The following IPO5 variants were observed in gnomAD, a reference collection of about 807,000 sequenced individuals.
The protein encoded by IPO5 is importin-5.
IPO5 carries 18 observed loss-of-function variants against 143.3 expected under a neutral mutation model. The ratio of observed to expected loss-of-function variants is 0.13; its 90% CI spans 0.09 to 0.19. The LOEUF is 0.19. Among genes scored for constraint, IPO5 ranks in the 10% least tolerant of loss-of-function variants. The pLI is 1.00. For missense variants in IPO5, 1,013 were observed against 1,336.9 expected (o/e 0.76, Z 3.78); for synonymous variants, 477 against 465.7 (o/e 1.02, Z -0.31).
At position 98,023,183 on chromosome 13, in the gene IPO5, T is replaced by C. The variant is rs1475612476; in HGVS notation, c.*1361T>C. On this transcript the variant is annotated 3_prime_UTR_variant, in exon 29 of 29. Coordinates refer to ENST00000651721, the MANE Select transcript of IPO5 (RefSeq NM_002271.6). ...TAGCAGATGCCCTTCAAATATATTT[T>C]ACGTTTGCAGCACAACACCATTGCC... is the stretch of plus-strand genomic sequence containing the variant. 5 of 152,602 alleles carry C rather than the reference T, an allele frequency of 3.3e-5. No homozygotes were observed. The highest frequency in any genetic ancestry group is 7.3e-5 in the Non-Finnish European group (5 of 68,052). The allele number at this position is 152,602 out of a possible 1,614,324, so 9.5% of individuals were successfully genotyped here. A position where few individuals can be genotyped will look rare whatever the true frequency, so the allele number is the denominator to read the frequency against.
intron 2 of IPO5, chr13:97,963,149 T>C (rs1885028469): frequency 6.6e-6 from 1 of 152,192 alleles, no homozygotes; most frequent in African/African-American, 2.4e-5. Context: ...AATGTTAAAT[T>C]GTATCCACAG....
At chr13:97,996,197 G>T (rs1261019860) in intron 11 of IPO5, among the ~76,000 whole-genome samples, 1 of 151,978 alleles carries the variant, frequency 6.6e-6, no homozygotes. Flanking sequence ...CTACAGGCAC[G>T]CACTACCACA....
At chr13:97,993,463 G>A (rs1463622744) in intron 11 of IPO5, among the ~76,000 whole-genome samples, 1 of 152,180 alleles carries the variant, frequency 6.6e-6, no homozygotes, top group Non-Finnish European at 1.5e-5. Context: ...TTTCTAGAGT[G>A]GAGTGTGACA....
chr13:98,013,231 A>AT (rs996592785), intron 21 of IPO5, among the ~76,000 whole-genome samples: 1 of 151,662 alleles, frequency 6.6e-6, no homozygotes, highest in African/African-American at 2.4e-5. Flanking sequence ...AATTTTTTGT[A>AT]TTTTTTGTTT....
At chr13:97,971,030 T>C (rs986000332) in intron 3 of IPO5, among the ~76,000 whole-genome samples, 1 of 152,218 alleles carries the variant, frequency 6.6e-6, no homozygotes, top group Non-Finnish European at 1.5e-5. Context: ...AAGAAGAAAC[T>C]GGGCTTGAGA....
chr13:98,005,497 G>A lies in IPO5; in HGVS notation c.1498-633G>A, dbSNP rs1257555180. Among the ~76,000 whole-genome samples the A allele has an allele frequency of 2.0e-5, 3 of 151,840 alleles. No individual in the cohort carries two copies. The East Asian group carries it at 5.8e-4, about 29-fold the overall frequency. On this transcript the variant is annotated intron_variant, in intron 16 of 28. Coordinates refer to ENST00000651721, the MANE Select transcript of IPO5 (RefSeq NM_002271.6). ...CCTGCCTCAGCCTCCCAGAGTCCTGGGATTACAGAAGAATTATTTTAAAAT... is the reference window on the plus strand; with the variant it reads ...CCTGCCTCAGCCTCCCAGAGTCCTGAGATTACAGAAGAATTATTTTAAAAT...
At position 97,969,760 on chromosome 13, in the gene IPO5, A is replaced by G. The variant is rs755754735; in HGVS notation, c.-75A>G. 1 of 1,606,128 alleles carries G rather than the reference A, an allele frequency of 6.2e-7. No individual in the cohort carries two copies. Among genetic ancestry groups the G allele is most frequent in the South Asian group, 1.1e-5 (1 of 90,728 alleles). ...ATTCCTAAGGGAACACTGCTCAGAA[A>G]GTACTGCAGCATGTCTTCAAATGCC... is the stretch of plus-strand genomic sequence containing the variant. On this transcript the variant is annotated 5_prime_UTR_variant, in exon 3 of 29. Transcript: ENST00000651721.
chr13:98,011,770 G>A (rs754042064), intron 20 of IPO5, among the ~76,000 whole-genome samples: 1 of 152,184 alleles, frequency 6.6e-6, no homozygotes, highest in Non-Finnish European at 1.5e-5. Context: ...CTCCCAAAGT[G>A]CTGGGATTAC....
At chr13:97,971,519 T>C (rs1268443843) in intron 3 of IPO5, among the ~76,000 whole-genome samples, 1 of 152,252 alleles carries the variant, frequency 6.6e-6, no homozygotes, top group Non-Finnish European at 1.5e-5. Flanking sequence ...CAAGTGTCTA[T>C]TGAATATCTG....
At chr13:97,959,675 A>G (rs1297092792) in intron 2 of IPO5, among the ~76,000 whole-genome samples, 1 of 152,134 alleles carries the variant, frequency 6.6e-6, no homozygotes, top group Non-Finnish European at 1.5e-5. Flanking sequence ...CGTAGGTTGC[A>G]GTGAGCCTAG....
chr13:98,001,266 T>A (rs1646818491), intron 13 of IPO5, among the ~76,000 whole-genome samples: 1 of 152,244 alleles, frequency 6.6e-6, no homozygotes, highest in Non-Finnish European at 1.5e-5. Context: ...TGTGTTTTAT[T>A]TTCATTTGTG....
intron 5 of IPO5, among the ~76,000 whole-genome samples, chr13:97,984,587 C>T (rs969333494): frequency 2.6e-5 from 4 of 150,954 alleles, no homozygotes; most frequent in African/African-American, 9.8e-5. Flanking sequence ...AGGTTTCTAC[C>T]TACCATAAAT....
intron 3 of IPO5, among the ~76,000 whole-genome samples, chr13:97,971,950 T>C (rs1162842326): frequency 1.3e-5 from 2 of 152,200 alleles, no homozygotes; most frequent in Admixed American, 1.3e-4. Flanking sequence ...TGAAGAACTA[T>C]CATTCCAATT....
chr13:98,023,285 C>T lies in IPO5; in HGVS notation c.*1463C>T, dbSNP rs1267841228. The T allele has an allele frequency of 6.6e-6, 1 of 152,264 alleles. No homozygotes were observed. The highest frequency in any genetic ancestry group is 2.4e-5 in the African/African-American group (1 of 41,538). 9.4% of individuals were successfully genotyped at this position (152,264 alleles called of 1,614,324 possible). ...AGTCCTTGTGTTCAGTGGATGAATA[C>T]CTGTGGGCTCTTGTAATGTGTGGTA... On this transcript the variant is annotated 3_prime_UTR_variant, in exon 29 of 29. Transcript: ENST00000651721.
intron 11 of IPO5, 21 bp from the exon 12 acceptor site, chr13:97,997,510 T>G: frequency 4.2e-6 from 6 of 1,416,252 alleles, no homozygotes; most frequent in African/African-American, 1.4e-5. Context: ...TCTTCGGGTA[T>G]GAAATAATTG....
intron 2 of IPO5, among the ~76,000 whole-genome samples, chr13:97,961,826 C>T (rs1884909068): frequency 6.6e-6 from 1 of 151,914 alleles, no homozygotes; most frequent in South Asian, 2.1e-4. Context: ...ATATAAGTCC[C>T]TTATAAGACA....
In IPO5 at chr13:97,977,364, A is replaced by G. The variant is rs1379056888; in HGVS notation, c.90+578A>G. On this transcript the variant is annotated intron_variant, in intron 4 of 28. Transcript: ENST00000651721. ...ATTCTAGTTCCTAACATCAGAAGCC[A>G]GATTTCCCTACCCCCTCCCACCTCC... 2.6e-5 allele frequency among the ~76,000 whole-genome samples: 4 copies of G among 152,164 alleles called. No individual in the cohort carries two copies. The East Asian group carries it at 7.7e-4, about 29-fold the overall frequency.
chr13:98,015,066 A>G (rs937171333), intron 22 of IPO5, among the ~76,000 whole-genome samples: 22 of 152,060 alleles, frequency 1.4e-4, no homozygotes, highest in African/African-American at 5.1e-4. Flanking sequence ...CAGCATCTTT[A>G]TATGTCCTTA....
intron 6 of IPO5, among the ~76,000 whole-genome samples, chr13:97,988,660 C>T (rs1887573962): frequency 6.6e-6 from 1 of 152,092 alleles, no homozygotes; most frequent in Non-Finnish European, 1.5e-5. Flanking sequence ...TGGTGGCAGG[C>T]GCCTGTAATC....
Sources: gnomAD v4.1 joint callset for allele counts (sites outside exome capture counted in the v4.1 genomes callset) on GRCh38, gnomAD v4.1.1 for gene constraint, MANE v1.5 for transcripts, NCBI Gene and HGNC (gene_info 2026-07-23, HGNC 2026-07-21) for gene names.